MTUS2: variants seen among roughly 807,000 people sequenced by gnomAD.
The protein encoded by MTUS2 is microtubule-associated tumor suppressor candidate 2.
MTUS2 carries 40 observed loss-of-function variants against 114.1 expected under a neutral mutation model. The ratio of observed to expected loss-of-function variants is 0.35; its 90% CI spans 0.27 to 0.46. MTUS2 has a LOEUF of 0.46. Ranked by LOEUF, MTUS2 falls within the 20% of genes least tolerant of loss-of-function variation. The pLI is 1.00. For missense variants in MTUS2, 1,679 were observed against 1,705.4 expected, an observed-to-expected ratio of 0.98 and a Z score of 0.27; for synonymous variants, 688 against 672.0, an observed-to-expected ratio of 1.02 and a Z score of -0.37.
chr13:28,880,370 G>A (rs1878216246), intron 2 of MTUS2, among the ~76,000 whole-genome samples: 1 of 152,146 alleles, frequency 6.6e-6, no homozygotes, highest in South Asian at 2.1e-4. Flanking sequence ...AAACACAGCA[G>A]TAAATGAATA....
intron 8 of MTUS2, among the ~76,000 whole-genome samples, chr13:29,402,544 C>T (rs1874423651): frequency 6.6e-6 from 1 of 152,066 alleles, no homozygotes; most frequent in Admixed American, 6.5e-5. Context: ...TGAATCATGC[C>T]GATGGCGGAG....
chr13:29,051,427 A>C (rs1887891642), intron 4 of MTUS2, among the ~76,000 whole-genome samples: 1 of 152,212 alleles, frequency 6.6e-6, no homozygotes, highest in Admixed American at 6.5e-5. Context: ...GAGTTTTCAC[A>C]GAGGTAATTA....
At chr13:29,269,966 T>C (rs908739649) in intron 5 of MTUS2, among the ~76,000 whole-genome samples, 1 of 152,154 alleles carries the variant, frequency 6.6e-6, no homozygotes, top group Non-Finnish European at 1.5e-5. Flanking sequence ...GAAGCACAGA[T>C]ACTGTGTGAT....
chr13:28,937,665 C>T (rs1001880537), intron 2 of MTUS2, among the ~76,000 whole-genome samples: 7 of 152,178 alleles, frequency 4.6e-5, no homozygotes, highest in African/African-American at 1.7e-4. Context: ...CATCCTGGCA[C>T]AAAGCCCAGG....
At chr13:28,884,018 T>A (rs1464460078) in intron 2 of MTUS2, among the ~76,000 whole-genome samples, 1 of 152,132 alleles carries the variant, frequency 6.6e-6, no homozygotes, top group Non-Finnish European at 1.5e-5. Context: ...GCTATATGAT[T>A]TAGCAGTTTC....
At chr13:28,822,548 A>G (rs549552027) in intron 1 of MTUS2, among the ~76,000 whole-genome samples, 1 of 152,258 alleles carries the variant, frequency 6.6e-6, no homozygotes, top group South Asian at 2.1e-4. Context: ...AGTCCTTTCT[A>G]TCTCCAGCAG....
intron 2 of MTUS2, among the ~76,000 whole-genome samples, chr13:28,896,013 G>A (rs1445917480): frequency 6.6e-6 from 1 of 152,114 alleles, no homozygotes; most frequent in Non-Finnish European, 1.5e-5. Context: ...ATGTGCAGAA[G>A]GAGAGGATAA....
chr13:28,830,690 T>C (rs989678508), intron 1 of MTUS2, among the ~76,000 whole-genome samples: 1 of 152,114 alleles, frequency 6.6e-6, no homozygotes, highest in Non-Finnish European at 1.5e-5. Flanking sequence ...ATATGTATAA[T>C]TGAAATCTCA....
chr13:29,017,895 T>C (rs370902241), intron 2 of MTUS2, among the ~76,000 whole-genome samples: 2 of 152,266 alleles, frequency 1.3e-5, no homozygotes, highest in South Asian at 2.1e-4. Flanking sequence ...AAGACACATG[T>C]AACGATAATA....
intron 9 of MTUS2, among the ~76,000 whole-genome samples, chr13:29,467,538 G>A (rs2138823932): frequency 6.6e-6 from 1 of 152,298 alleles, no homozygotes; most frequent in South Asian, 2.1e-4. Context: ...CTGGAGGAGA[G>A]GAAGAAATGG....
intron 9 of MTUS2, among the ~76,000 whole-genome samples, chr13:29,448,750 G>GCC (rs1878465083): frequency 2.0e-5 from 2 of 98,452 alleles, no homozygotes; most frequent in Middle Eastern, 5.4e-3. Context: ...AAAACAGAGT[G>GCC]CTCTTTTTTT....
rs558618589 is a variant in MTUS2, at chr13:29,444,155, G to A, written c.3184+4106G>A. Among the ~76,000 whole-genome samples the A allele has an allele frequency of 3.6e-3, 555 of 152,248 alleles. 5 individuals are homozygous for A. Among genetic ancestry groups the A allele is most frequent in the African/African-American group, 0.013 (522 of 41,532 alleles). On this transcript the variant is annotated intron_variant, in intron 9 of 15. Coordinates refer to ENST00000612955, the MANE Select transcript of MTUS2 (RefSeq NM_001033602.4). ...CTTTAGCATCTGGACTGAGCACAGCGGCTCACACCTATAATCCCAGCACTT... is the reference window on the plus strand; with the variant it reads ...CTTTAGCATCTGGACTGAGCACAGCAGCTCACACCTATAATCCCAGCACTT...
At position 29,505,097 on chromosome 13, in the gene MTUS2, G is replaced by A; in HGVS notation, c.*1891G>A. On this transcript the variant is annotated 3_prime_UTR_variant, in exon 16 of 16. Coordinates refer to ENST00000612955, the MANE Select transcript of MTUS2 (RefSeq NM_001033602.4). ...CATTTCTCTTTGCTTTAGTGGCTCT[G>A]CATGATACTGTGATATTGAGTTGGG... The A allele has an allele frequency of 4.3e-6, 1 of 231,974 alleles. No individual in the cohort carries two copies. The highest frequency in any genetic ancestry group is 2.2e-5 in the African/African-American group (1 of 45,364). The allele number at this position is 231,974 out of a possible 1,614,324, so 14.4% of individuals were successfully genotyped here.
At chr13:29,310,326 A>G (rs535351454) in intron 6 of MTUS2, among the ~76,000 whole-genome samples, 109 of 152,360 alleles carry the variant, frequency 7.2e-4, no homozygotes, top group African/African-American at 2.6e-3. Context: ...TATGCTGAAC[A>G]ACCTCTTCAT....
chr13:29,404,388 G>A (rs1874597512), intron 8 of MTUS2, among the ~76,000 whole-genome samples: 2 of 152,110 alleles, frequency 1.3e-5, no homozygotes, highest in Admixed American at 6.5e-5. Context: ...GGGCATGGTG[G>A]CGGGTGCCTG....
chr13:28,906,744 G>A (rs969738791), intron 2 of MTUS2, among the ~76,000 whole-genome samples: 9 of 151,542 alleles, frequency 5.9e-5, no homozygotes, highest in African/African-American at 7.3e-5. Flanking sequence ...GATTTGGGGT[G>A]GAGAGTTCTG....
intron 10 of MTUS2, among the ~76,000 whole-genome samples, chr13:29,482,810 C>G (rs890216470): frequency 6.6e-6 from 1 of 152,186 alleles, no homozygotes; most frequent in Admixed American, 6.5e-5. Flanking sequence ...CAACACAAAC[C>G]CATTGGTTTG....
At chr13:29,385,143 A>G (rs1872548302) in intron 8 of MTUS2, among the ~76,000 whole-genome samples, 1 of 152,246 alleles carries the variant, frequency 6.6e-6, no homozygotes. Context: ...CAGAAGCATC[A>G]TAAGGCTGGC....
chr13:29,428,714 A>T, intron 8 of MTUS2: 1 of 1,520,710 alleles, frequency 6.6e-7, no homozygotes, highest in Non-Finnish European at 8.8e-7. Context: ...AAGGTAGCCA[A>T]GGGAACCACA....
Sources: allele counts gnomAD v4.1 joint callset (sites outside exome capture counted in the v4.1 genomes callset), GRCh38; gene constraint gnomAD v4.1.1; transcripts MANE v1.5; gene names NCBI Gene and HGNC (gene_info 2026-07-23, HGNC 2026-07-21).